Variants in TCF21 observed in about 807,000 individuals in gnomAD.
The protein encoded by TCF21 is capsulin.
TCF21 carries 3 observed loss-of-function variants against 13.5 expected under a neutral mutation model. The observed-to-expected ratio is 0.22, with a 90% CI of 0.10 to 0.57. The LOEUF (loss-of-function observed/expected upper bound fraction) is 0.57. TCF21 is among the 20% of genes least tolerant of loss of function. The pLI is 0.92. For missense variants in TCF21, 181 were observed against 238.4 expected, an observed-to-expected ratio of 0.76 and a Z score of 1.59; for synonymous variants, 92 against 101.7, an observed-to-expected ratio of 0.90 and a Z score of 0.57.
In TCF21 at chr6:133,889,211, C is replaced by G. The variant is rs1775160754; in HGVS notation, c.-187C>G. On this transcript the variant is annotated 5_prime_UTR_variant, in exon 1 of 2. Transcript: ENST00000367882. The surrounding 1 kb of genome is among the most constrained non-coding windows in gnomAD (Gnocchi z 5.1). ...AAGTCCTCGGGGTTCCTTCTCACAA[C>G]TCTGCGAAGGGGAAAGGGTTGTGAG... 1 of 681,612 alleles carries G rather than the reference C, an allele frequency of 1.5e-6. No individual in the cohort carries two copies. Among genetic ancestry groups the G allele is most frequent in the African/African-American group, 1.8e-5 (1 of 55,658 alleles). 42.2% of individuals were successfully genotyped at this position (681,612 alleles called of 1,614,324 possible).
At chr6:133,890,866 A>T (rs1407100609) in intron 1 of TCF21, among the ~76,000 whole-genome samples, 1 of 152,180 alleles carries the variant, frequency 6.6e-6, no homozygotes, top group Non-Finnish European at 1.5e-5. Context: ...GAAGATGCAA[A>T]CCCACATTTT....
At chr6:133,891,298 C>T (rs1775212162) in intron 1 of TCF21, among the ~76,000 whole-genome samples, 1 of 152,242 alleles carries the variant, frequency 6.6e-6, no homozygotes, top group South Asian at 2.1e-4. Context: ...GAGGGCGCTT[C>T]GCCCCGAACT....
downstream of TCF21, chr6:133,894,417 G>A (rs1287699814): frequency 6.6e-6 from 1 of 152,244 alleles, no homozygotes; most frequent in Non-Finnish European, 1.5e-5. Flanking sequence ...CTCAGCCAAG[G>A]AGGGGCCTGG....
chr6:133,891,772 G>T lies in TCF21; in HGVS notation c.510G>T (p.Ala170=). The part of the protein sequence containing the change: ...PESDLKEVVT[A]SRLCGTTAS ...GTGACCTGAAAGAAGTGGTGACCGCGAGCCGCTTATGTGGAACCACCGCGT... is the reference window on the plus strand; with the variant it reads ...GTGACCTGAAAGAAGTGGTGACCGCTAGCCGCTTATGTGGAACCACCGCGT... The change falls in exon 2 of 2, where the codon GCG becomes GCT. Residue 170 remains alanine (A), a synonymous_variant. Coordinates refer to ENST00000367882, the MANE Select transcript of TCF21 (RefSeq NM_003206.4). The T allele has an allele frequency of 1.2e-5, 20 of 1,613,952 alleles. No individual in the cohort carries two copies. Among genetic ancestry groups the T allele is most frequent in the Non-Finnish European group, 1.7e-5 (20 of 1,179,998 alleles).
chr6:133,893,212 C>T (rs1188762750), downstream of TCF21: 1 of 152,308 alleles, frequency 6.6e-6, no homozygotes, highest in East Asian at 1.9e-4. Flanking sequence ...GGCCGCTTCG[C>T]GGGTGGAGCC....
Position 133,889,884 on chromosome 6 carries a change from C to A in TCF21, c.450+37C>A, listed in dbSNP as rs1225007996. On this transcript the variant is annotated intron_variant, in intron 1 of 1. Transcript: ENST00000367882. The surrounding 1 kb of genome is among the most constrained non-coding windows in gnomAD (Gnocchi z 5.1). ...CGGGGCTGCAGCTGCAGTCCAGGCG[C>A]GCCCGCACTCCCGCCTGCGGTGGGC... The A allele has an allele frequency of 6.2e-7, 1 of 1,608,590 alleles. No individual in the cohort carries two copies. The highest frequency in any genetic ancestry group is 8.5e-7 in the Non-Finnish European group (1 of 1,176,678).
downstream of TCF21, chr6:133,893,968 C>T (rs1211967294): frequency 6.6e-6 from 1 of 152,132 alleles, no homozygotes; most frequent in Non-Finnish European, 1.5e-5. Flanking sequence ...TGATAATAAT[C>T]ATTATATGCA....
chr6:133,895,010 T>TCA (rs1775279259), downstream of TCF21: 1 of 140,812 alleles, frequency 7.1e-6, no homozygotes. Flanking sequence ...GTCCTCTCTC[T>TCA]CGCTCTCTCT....
At chr6:133,893,492 C>T (rs1444641060), downstream of TCF21, 1 of 152,254 alleles carries the variant, frequency 6.6e-6, no homozygotes, top group East Asian at 1.9e-4. Context: ...GAACACATTT[C>T]AAGCTCTGGC....
At chr6:133,894,906 CA>C (rs1775277644), downstream of TCF21, 3 of 152,234 alleles carry the variant, frequency 2.0e-5, no homozygotes, top group Admixed American at 6.5e-5. Flanking sequence ...AAGCAGCTTA[CA>C]GACGCCTGAA....
chr6:133,892,591 C>T (rs1373662132), downstream of TCF21: 2 of 152,210 alleles, frequency 1.3e-5, no homozygotes, highest in Non-Finnish European at 2.9e-5. Flanking sequence ...CGTATGACTG[C>T]TGACACGGGC....
In TCF21 at chr6:133,889,535, T is replaced by C. The variant is rs758316911; in HGVS notation, c.138T>C (p.Asn46=). 9 of 1,613,390 alleles carry C rather than the reference T, an allele frequency of 5.6e-6. 1 individual carries two copies. Among genetic ancestry groups the C allele is most frequent in the Admixed American group, 1.7e-5 (1 of 59,980 alleles). ...CCGAGGAGAGCTCCAACTGCGAGAA[T>C]GGGTCTCCCCAGAAGGGCCGCGGCG... The part of the protein sequence containing the change: ...ESTEESSNCE[N]GSPQKGRGGL... Residue 46 remains asparagine (N), a synonymous_variant, in exon 1 of 2, where the codon AAT becomes AAC. Transcript: ENST00000367882. The surrounding 1 kb of genome is among the most constrained non-coding windows in gnomAD (Gnocchi z 5.1).
intron 1 of TCF21, among the ~76,000 whole-genome samples, chr6:133,890,091 A>G (rs1775184752): frequency 6.6e-6 from 1 of 152,190 alleles, no homozygotes; most frequent in South Asian, 2.1e-4. Context: ...TGGCAGCCCA[A>G]TTAAAAGTTT....
downstream of TCF21, chr6:133,892,542 C>T (rs1583773512): frequency 6.6e-6 from 1 of 152,290 alleles, no homozygotes; most frequent in East Asian, 1.9e-4. Context: ...AAGAGTAAAA[C>T]GCACCAGAAA....
chr6:133,889,675 G>C lies in TCF21; in HGVS notation c.278G>C (p.Arg93Pro). 1 of 1,613,868 alleles carries C rather than the reference G, an allele frequency of 6.2e-7. No individual in the cohort carries two copies. Among genetic ancestry groups the C allele is most frequent in the Non-Finnish European group, 8.5e-7 (1 of 1,179,962 alleles). ...AANARERARM[R>P]VLSKAFSRLK... ...AACGCGCGAGAGCGGGCCCGCATGC[G>C]AGTGCTGAGCAAGGCCTTCTCCAGA... Residue 93 changes from arginine to proline, a missense_variant, in exon 1 of 2, where the codon CGA becomes CCA. Physicochemically the swap from Arg to Pro is moderately radical, Grantham distance 103. This residue lies in a region of TCF21 where 35 missense variants were observed against 80.4 expected (regional missense o/e 0.44). Transcript: ENST00000367882. This position sits in a 1 kb window ranked among gnomAD's most constrained non-coding sequence, Gnocchi z 5.1.
Position 133,889,175 on chromosome 6 carries a change from C to G in TCF21, c.-223C>G. 1 of 596,064 alleles carries G rather than the reference C, an allele frequency of 1.7e-6. No homozygotes were observed. Among genetic ancestry groups the G allele is most frequent in the Non-Finnish European group, 3.0e-6 (1 of 336,340 alleles). 36.9% of individuals were successfully genotyped at this position (596,064 alleles called of 1,614,324 possible). On this transcript the variant is annotated 5_prime_UTR_variant, in exon 1 of 2. Transcript: ENST00000367882. The surrounding 1 kb of genome is among the most constrained non-coding windows in gnomAD (Gnocchi z 5.1). Reference sequence around the variant, plus strand: ...GAGTGGGGAAACAGAGAGCCGGTTCCTCTGCTGCAGAAGTCCTCGGGGTTC... The same window carrying G: ...GAGTGGGGAAACAGAGAGCCGGTTCGTCTGCTGCAGAAGTCCTCGGGGTTC...
intron 1 of TCF21, among the ~76,000 whole-genome samples, chr6:133,890,918 T>G (rs940948908): frequency 8.5e-5 from 13 of 152,212 alleles, no homozygotes; most frequent in Non-Finnish European, 1.6e-4. Context: ...GTTTGGGGTT[T>G]TTCCCCCCCA....
rs776740659 is a variant in TCF21 at position 133,889,730 on chromosome 6, C to A, written c.333C>A (p.Pro111=). 1.9e-6 allele frequency: 3 copies of A among 1,613,678 alleles called. No homozygotes were observed. The highest frequency in any genetic ancestry group is 2.2e-5 in the East Asian group (1 of 44,872). ...RLKTTLPWVP[P]DTKLSKLDTL... is the part of the protein sequence containing the mutation. ...AGACCACCCTGCCCTGGGTGCCCCC[C>A]GACACCAAGCTCTCCAAGCTGGACA... Residue 111 remains proline, a synonymous_variant, in exon 1 of 2, where the codon CCC becomes CCA. Transcript: ENST00000367882. This position sits in a 1 kb window ranked among gnomAD's most constrained non-coding sequence, Gnocchi z 5.1.
chr6:133,889,667 C>G lies in TCF21; in HGVS notation c.270C>G (p.Ala90=). ...ACGCCGCCAACGCGCGAGAGCGGGC[C>G]CGCATGCGAGTGCTGAGCAAGGCCT... ...QRNAANARER[A]RMRVLSKAFS... The change falls in exon 1 of 2, where the codon GCC becomes GCG. Residue 90 remains alanine, a synonymous_variant. Coordinates refer to ENST00000367882, the MANE Select transcript of TCF21 (RefSeq NM_003206.4). This position sits in a 1 kb window ranked among gnomAD's most constrained non-coding sequence, Gnocchi z 5.1. 1 of 1,613,866 alleles carries G rather than the reference C, an allele frequency of 6.2e-7. No homozygotes were observed. The highest frequency in any genetic ancestry group is 8.5e-7 in the Non-Finnish European group (1 of 1,179,948).
Sources: allele counts gnomAD v4.1 joint callset (sites outside exome capture counted in the v4.1 genomes callset), GRCh38; gene constraint gnomAD v4.1.1; regional missense constraint gnomAD v4.1.1; non-coding constraint Gnocchi (gnomAD v3.1); transcripts MANE v1.5; gene names NCBI Gene and HGNC (gene_info 2026-07-23, HGNC 2026-07-21).